The following OSBPL10 variants were observed in gnomAD, a reference collection of about 807,000 sequenced individuals.
OSBPL10 encodes oxysterol binding protein like 10, also known as oxysterol-binding protein-related protein 10.
Under a neutral mutation model 81.7 loss-of-function variants are expected in OSBPL10, and 49 were observed. That is an observed-to-expected ratio of 0.60 (90% CI 0.48 to 0.76). OSBPL10 has a LOEUF of 0.76. Ranked by LOEUF, OSBPL10 falls within the 30% of genes least tolerant of loss-of-function variation. OSBPL10 has a pLI of 0.00. For missense variants in OSBPL10, 923 were observed against 987.8 expected, an observed-to-expected ratio of 0.93 and a Z score of 0.88; for synonymous variants, 419 against 383.6, an observed-to-expected ratio of 1.09 and a Z score of -1.08.
intron 7 of OSBPL10, among the ~76,000 whole-genome samples, chr3:31,698,381 G>C (rs951294387): frequency 6.6e-6 from 1 of 152,086 alleles, no homozygotes; most frequent in Non-Finnish European, 1.5e-5. Flanking sequence ...AACCCAGGAG[G>C]TGGAGGTTGC....
intron 1 of OSBPL10, among the ~76,000 whole-genome samples, chr3:31,953,228 C>T (rs1697919689): frequency 6.6e-6 from 1 of 152,092 alleles, no homozygotes; most frequent in Non-Finnish European, 1.5e-5. Context: ...CCAGCGCGCC[C>T]GGTCCTCAGA....
intron 1 of OSBPL10, among the ~76,000 whole-genome samples, chr3:31,913,948 A>G (rs1696670136): frequency 6.6e-6 from 1 of 152,114 alleles, no homozygotes. Context: ...TTTGAGACGG[A>G]GTCTTGCTCT....
intron 4 of OSBPL10, among the ~76,000 whole-genome samples, chr3:31,797,112 A>C (rs1002605664): frequency 6.9e-6 from 1 of 144,718 alleles, no homozygotes; most frequent in African/African-American, 2.6e-5. Flanking sequence ...CTCCTGCCTC[A>C]GCCTCTCGAG....
intron 7 of OSBPL10, among the ~76,000 whole-genome samples, chr3:31,685,473 C>T (rs1050396083): frequency 3.3e-5 from 5 of 152,162 alleles, no homozygotes; most frequent in Non-Finnish European, 7.4e-5. Flanking sequence ...AAACAGTTAT[C>T]GGGTATTAAT....
intron 3 of OSBPL10, among the ~76,000 whole-genome samples, chr3:31,834,244 C>T (rs1187562907): frequency 6.6e-6 from 1 of 152,206 alleles, no homozygotes; most frequent in Non-Finnish European, 1.5e-5. Flanking sequence ...TTAACAGAGT[C>T]TGAGAAACAA....
At chr3:32,029,977 A>G (rs999842539) in intron 2 of OSBPL10, among the ~76,000 whole-genome samples, 6 of 152,206 alleles carry the variant, frequency 3.9e-5, no homozygotes, top group Non-Finnish European at 8.8e-5. Context: ...GTAGCTTGTA[A>G]ACCATTTCCT....
At chr3:31,908,337 G>C (rs998598912) in intron 1 of OSBPL10, among the ~76,000 whole-genome samples, 1 of 152,188 alleles carries the variant, frequency 6.6e-6, no homozygotes, top group Non-Finnish European at 1.5e-5. Flanking sequence ...GGTGGGTGGA[G>C]AAAGGGGGAT....
intron 1 of OSBPL10, among the ~76,000 whole-genome samples, chr3:32,070,432 A>T (rs1435034621): frequency 6.6e-6 from 1 of 150,974 alleles, no homozygotes; most frequent in Non-Finnish European, 1.5e-5. Context: ...TCTTATCTCC[A>T]CCCTTCTTCC....
chr3:32,035,294 G>T (rs1330487786), intron 2 of OSBPL10, among the ~76,000 whole-genome samples: 2 of 152,130 alleles, frequency 1.3e-5, no homozygotes, highest in Non-Finnish European at 2.9e-5. Flanking sequence ...GGGCACAGTG[G>T]CTCATGCCTG....
chr3:31,797,352 AAAAAG>A (rs147666163), intron 4 of OSBPL10, among the ~76,000 whole-genome samples: 6,667 of 152,254 alleles, frequency 0.044, 192 homozygotes, highest in African/African-American at 0.075. Flanking sequence ...AAAGGTAAGA[AAAAAG>A]AAAAGAAAAG....
intron 2 of OSBPL10, among the ~76,000 whole-genome samples, chr3:32,026,938 TCA>T (rs1437833581): frequency 1.3e-5 from 2 of 152,214 alleles, no homozygotes; most frequent in Non-Finnish European, 2.9e-5. Flanking sequence ...AAGTCTGTTC[TCA>T]CTCAGAGAGG....
intron 1 of OSBPL10, among the ~76,000 whole-genome samples, chr3:31,980,189 A>G (rs1003850967): frequency 6.6e-6 from 1 of 151,846 alleles, no homozygotes; most frequent in African/African-American, 2.4e-5. Context: ...TTTTTAGTAG[A>G]GACGGGTTTT....
intron 1 of OSBPL10, among the ~76,000 whole-genome samples, chr3:31,900,025 C>CT (rs11423783): frequency 0.39 from 53,420 of 135,526 alleles, 10,340 homozygotes; most frequent in South Asian, 0.44. Flanking sequence ...GAAAATAAAA[C>CT]TTTTTTTTTT....
intron 5 of OSBPL10, among the ~76,000 whole-genome samples, chr3:31,734,816 C>CA (rs1353797066): frequency 2.0e-5 from 3 of 152,050 alleles, no homozygotes; most frequent in Non-Finnish European, 2.9e-5. Flanking sequence ...AGTCTAAAAG[C>CA]AAAAAAAGAA....
intron 4 of OSBPL10, among the ~76,000 whole-genome samples, chr3:31,817,306 C>T (rs1436045265): frequency 6.6e-6 from 1 of 152,180 alleles, no homozygotes; most frequent in African/African-American, 2.4e-5. Flanking sequence ...AGGCTTGGCC[C>T]CAAACCCTGC....
At chr3:31,933,407 T>A (rs968666258) in intron 1 of OSBPL10, among the ~76,000 whole-genome samples, 1 of 80,932 alleles carries the variant, frequency 1.2e-5, no homozygotes, top group Non-Finnish European at 3.4e-5. Flanking sequence ...AAACAATAAA[T>A]TTTTTTTTTT....
At chr3:31,925,882 A>G (rs555959636) in intron 1 of OSBPL10, among the ~76,000 whole-genome samples, 63 of 152,220 alleles carry the variant, frequency 4.1e-4, no homozygotes, top group Non-Finnish European at 7.9e-4. Flanking sequence ...ACCATAATGT[A>G]GAGTCCTTTA....
intron 1 of OSBPL10, among the ~76,000 whole-genome samples, chr3:31,898,294 AAAGAT>A (rs1400790507): frequency 6.6e-6 from 1 of 152,200 alleles, no homozygotes; most frequent in Non-Finnish European, 1.5e-5. Context: ...CACCACAAAA[AAAGAT>A]AAGTGAGGTG....
chr3:31,709,081 C>T (rs1469678836), intron 6 of OSBPL10: 2 of 971,584 alleles, frequency 2.1e-6, no homozygotes, highest in African/African-American at 3.5e-5. Flanking sequence ...AACAACGAGG[C>T]CACTGTGAGG....
Sources: gnomAD v4.1 joint callset for allele counts (sites outside exome capture counted in the v4.1 genomes callset) on GRCh38, gnomAD v4.1.1 for gene constraint, MANE v1.5 for transcripts, NCBI Gene and HGNC (gene_info 2026-07-23, HGNC 2026-07-21) for gene names.